Variants in SGSH observed in about 807,000 individuals in gnomAD.
The protein encoded by SGSH is heparan sulfate sulfatase.
Under a neutral mutation model 51.0 loss-of-function variants are expected in SGSH, and 48 were observed. The observed-to-expected ratio is 0.94, with a 90% CI of 0.75 to 1.20. The LOEUF (loss-of-function observed/expected upper bound fraction) is 1.20, where lower values mean the gene tolerates loss of function less well. Among genes scored for constraint, SGSH ranks in the 50% most tolerant of loss-of-function variants. The pLI is 0.00. For missense variants in SGSH, 662 were observed against 717.8 expected (o/e 0.92, Z 0.89); for synonymous variants, 321 against 313.4 (o/e 1.02, Z -0.26).
intron 5 of SGSH, 82 bp downstream of exon 5, chr17:80,214,090 C>A: frequency 6.6e-7 from 1 of 1,512,130 alleles, no homozygotes; most frequent in South Asian, 1.2e-5. Flanking sequence ...TCATCTAGGG[C>A]CAGGGCTGCA....
chr17:80,210,491 C>T lies in SGSH; in HGVS notation c.1470G>A (p.Lys490=). Residue 490 remains lysine (K), a synonymous_variant, in exon 8 of 8, where the codon AAG becomes AAA. Coordinates refer to ENST00000326317, the MANE Select transcript of SGSH (RefSeq NM_000199.5). ...GGAGGGGCTGGCACTGGGGAGAGAG[C>T]TTCTCCTCCAGGACGCCGTCGGGGG... The part of the protein sequence containing the change: ...VCAPDGVLEE[K]LSPQCQPLHN... The T allele has an allele frequency of 6.2e-7, 1 of 1,603,726 alleles. No individual in the cohort carries two copies. Among genetic ancestry groups the T allele is most frequent in the South Asian group, 1.1e-5 (1 of 90,756 alleles).
chr17:80,218,632 G>A (rs2041986013), intron 1 of SGSH, among the ~76,000 whole-genome samples: 1 of 152,228 alleles, frequency 6.6e-6, no homozygotes, highest in Non-Finnish European at 1.5e-5. Flanking sequence ...TGGAGGGAGA[G>A]CGGGATGGGC....
At chr17:80,205,245 TC>T (rs769932842), downstream of SGSH, 13 of 1,506,024 alleles carry the variant, frequency 8.6e-6, no homozygotes, top group Middle Eastern at 1.8e-4. Context: ...CCTTCCACCT[TC>T]CCTCCCTCCC....
intron 3 of SGSH, 64 bp downstream of exon 3, chr17:80,214,969 T>C (rs2041832701): frequency 6.8e-7 from 1 of 1,461,158 alleles, no homozygotes; most frequent in African/African-American, 1.4e-5. Context: ...GTGCCGAACC[T>C]CCTGGGCTCT....
chr17:80,208,105 T>A, downstream of SGSH: 119 of 1,347,826 alleles, frequency 8.8e-5, no homozygotes, highest in Non-Finnish European at 1.1e-4. Flanking sequence ...TGCTCTCCCC[T>A]GAGCCCGCCC....
rs2041624651 is a variant in SGSH at position 80,210,913 on chromosome 17, G to A, written c.1048C>T (p.Pro350Ser). 5.6e-6 allele frequency: 9 copies of A among 1,610,284 alleles called. No homozygotes were observed. The East Asian group carries it at 6.7e-5, about 12-fold the overall frequency. Residue 350 changes from proline (P) to serine (S), a missense_variant, in exon 8 of 8, where the codon CCG (proline) becomes TCG (serine). By Grantham distance (74) the Pro-to-Ser change is moderately conservative (BLOSUM62 -1). Transcript: ENST00000326317. Reference sequence around the variant, plus strand: ...CAGAGGGGCTCGGCCTCCAGCGCCGGCAGGAGGGACCGGCCAGTGAGGTGG... The same window carrying A: ...CAGAGGGGCTCGGCCTCCAGCGCCGACAGGAGGGACCGGCCAGTGAGGTGG... ...TIHLTGRSLL[P>S]ALEAEPLWAT...
At chr17:80,204,205 C>T, downstream of SGSH, 1 of 1,570,160 alleles carries the variant, frequency 6.4e-7, no homozygotes, top group Non-Finnish European at 8.7e-7. Flanking sequence ...TCCTCCTCAT[C>T]CTTTCTCTGT....
chr17:80,214,479 G>A, intron 4 of SGSH, 136 bp downstream of exon 4: 1 of 1,284,682 alleles, frequency 7.8e-7, no homozygotes, highest in Non-Finnish European at 1.1e-6. Flanking sequence ...CTCTGACCAG[G>A]CTAACTCGAG....
At position 80,212,341 on chromosome 17, in the gene SGSH, TAG is replaced by T; in HGVS notation, c.746-69_746-68del. On this transcript the variant is annotated intron_variant, in intron 6 of 7. Coordinates refer to ENST00000326317, the MANE Select transcript of SGSH (RefSeq NM_000199.5). The surrounding 1 kb of genome is among the most constrained non-coding windows in gnomAD (Gnocchi z 5.9). ...GGAGGGAGGCAGCGGGTGGTGTGTG[TAG>T]ACCCACCTGCTGCTGCATCCGGCCG... 1 of 1,343,514 alleles carries T rather than the reference TAG, an allele frequency of 7.4e-7. No homozygotes were observed. The highest frequency in any genetic ancestry group is 2.5e-5 in the East Asian group (1 of 40,188). 83.2% of individuals were successfully genotyped at this position (1,343,514 alleles called of 1,614,324 possible).
intron 1 of SGSH, among the ~76,000 whole-genome samples, chr17:80,217,534 C>T (rs2041938612): frequency 6.6e-6 from 1 of 151,722 alleles, no homozygotes; most frequent in South Asian, 2.1e-4. Flanking sequence ...AGGCACAATA[C>T]CTGGTGGGTA....
downstream of SGSH, chr17:80,208,112 G>T: frequency 8.2e-7 from 1 of 1,217,656 alleles, no homozygotes; most frequent in Non-Finnish European, 1.1e-6. Flanking sequence ...CCCTGAGCCC[G>T]CCCCCCCCAA....
At chr17:80,205,163 G>A (rs768044758), downstream of SGSH, 21 of 1,613,642 alleles carry the variant, frequency 1.3e-5, no homozygotes, top group Admixed American at 1.0e-4. Context: ...GATCCTGAGC[G>A]AGAAACTGTG....
Position 80,209,620 on chromosome 17 carries a change from G to T in SGSH, c.*832C>A, listed in dbSNP as rs1170406390. On this transcript the variant is annotated 3_prime_UTR_variant, in exon 8 of 8. Transcript: ENST00000326317. Reference sequence around the variant, plus strand: ...TAACCCAAGGCAGAGGATGGGCATTGCCACCCAGCAACGCCAGTGTCACCG... The same window carrying T: ...TAACCCAAGGCAGAGGATGGGCATTTCCACCCAGCAACGCCAGTGTCACCG... 1.0e-6 allele frequency: 1 copy of T among 955,834 alleles called. No individual in the cohort carries two copies. Among genetic ancestry groups the T allele is most frequent in the Non-Finnish European group, 1.2e-6 (1 of 806,528 alleles). The allele number at this position is 955,834 out of a possible 1,614,324, so 59.2% of individuals were successfully genotyped here.
At chr17:80,216,394 T>C (rs1238024982) in intron 2 of SGSH, among the ~76,000 whole-genome samples, 7 of 151,942 alleles carry the variant, frequency 4.6e-5, no homozygotes, top group Non-Finnish European at 5.9e-5. Flanking sequence ...GTCAGATTCA[T>C]AGAGACAGGG....
downstream of SGSH, chr17:80,201,809 C>T (rs79407194): frequency 1.2e-3 from 1,874 of 1,613,940 alleles, 7 homozygotes; most frequent in Middle Eastern, 0.018. The surrounding 1 kb of genome is among the most constrained non-coding windows in gnomAD (Gnocchi z 5.0). Flanking sequence ...TGGAGGAGGC[C>T]GTGGGGCTTC....
chr17:80,201,623 A>G, the SGSH span: 1 of 992,536 alleles, frequency 1.0e-6, no homozygotes, highest in Non-Finnish European at 1.6e-6. The surrounding 1 kb of genome is among the most constrained non-coding windows in gnomAD (Gnocchi z 5.0). Context: ...CAAGGCGTGC[A>G]GGCAGTGGTC....
the SGSH span, chr17:80,201,466 A>G: frequency 4.6e-6 from 2 of 430,878 alleles, no homozygotes; most frequent in Admixed American, 8.4e-5. This position sits in a 1 kb window ranked among gnomAD's most constrained non-coding sequence, Gnocchi z 5.0. Context: ...TTTCTTTTTC[A>G]AGACAGGAAA....
chr17:80,220,326 T>A lies in SGSH; in HGVS notation c.-13A>T. On this transcript the variant is annotated 5_prime_UTR_variant, in exon 1 of 8. Transcript: ENST00000326317. ...CGGGGCAGCTCATGGCGGCGGCGGC[T>A]CGGACTCGGGATCGGGATCCGGCTC... 1 of 1,483,978 alleles carries A rather than the reference T, an allele frequency of 6.7e-7. No individual in the cohort carries two copies. Among genetic ancestry groups the A allele is most frequent in the Non-Finnish European group, 8.9e-7 (1 of 1,122,812 alleles). The allele number at this position is 1,483,978 out of a possible 1,614,324, so 91.9% of individuals were successfully genotyped here.
downstream of SGSH, chr17:80,205,374 G>C (rs145794537): frequency 3.1e-3 from 3,636 of 1,179,140 alleles, 15 homozygotes; most frequent in Non-Finnish European, 3.9e-3. Flanking sequence ...GCAGGGCACA[G>C]AGCGGGGTGT....
Sources: allele counts gnomAD v4.1 joint callset (sites outside exome capture counted in the v4.1 genomes callset), GRCh38; gene constraint gnomAD v4.1.1; non-coding constraint Gnocchi (gnomAD v3.1); transcripts MANE v1.5; gene names NCBI Gene and HGNC (gene_info 2026-07-23, HGNC 2026-07-21).